The following LIMK1 variants were observed in gnomAD, a reference collection of about 807,000 sequenced individuals.
The protein encoded by LIMK1 is LIM motif-containing protein kinase.
A neutral mutation model predicts 77.6 loss-of-function variants in LIMK1; 21 were observed. The observed-to-expected ratio is 0.27, with a 90% CI of 0.19 to 0.39. The LOEUF is 0.39. LIMK1 is among the 10% of genes least tolerant of loss of function. The pLI, the probability that LIMK1 is intolerant of heterozygous loss-of-function variation, is 1.00. For missense variants in LIMK1, 696 were observed against 901.6 expected, an observed-to-expected ratio of 0.77 and a Z score of 2.92; for synonymous variants, 358 against 370.0, an observed-to-expected ratio of 0.97 and a Z score of 0.37.
intron 5 of LIMK1, 107 bp downstream of exon 5, chr7:74,099,345 G>T (rs1584114874): frequency 1.8e-6 from 2 of 1,107,712 alleles, no homozygotes; most frequent in Non-Finnish European, 2.7e-6. Flanking sequence ...GAGTGTTTGG[G>T]TACAGATGGG....
intron 5 of LIMK1, among the ~76,000 whole-genome samples, chr7:74,104,618 T>A (rs1373414005): frequency 6.7e-6 from 1 of 149,408 alleles, no homozygotes; most frequent in Admixed American, 6.7e-5. Flanking sequence ...AGAGCAAAAC[T>A]CTGTCTCAAA....
chr7:74,085,847 A>G lies in LIMK1; in HGVS notation c.152+3A>G. 1 of 1,549,480 alleles carries G rather than the reference A, an allele frequency of 6.5e-7. No individual in the cohort carries two copies. The highest frequency in any genetic ancestry group is 8.7e-7 in the Non-Finnish European group (1 of 1,146,794). The stretch of plus-strand genomic sequence containing the variant: ...GACTGGCACGCAGACTGCTTCAGGT[A>G]GGGTGGGGTGCCCAGGGCCTGTGTT... On this transcript the variant is annotated splice_donor_region_variant and intron_variant, in intron 2 of 15. Coordinates refer to ENST00000336180, the MANE Select transcript of LIMK1 (RefSeq NM_002314.4).
At chr7:74,093,167 C>T in intron 2 of LIMK1, 2 of 1,520,980 alleles carry the variant, frequency 1.3e-6, no homozygotes, top group Non-Finnish European at 1.8e-6. Context: ...ATCCTGAGCC[C>T]CTGAGGGAGG....
At chr7:74,098,950 G>A in intron 4 of LIMK1, 82 bp from the exon 5 acceptor site, 1 of 1,097,644 alleles carries the variant, frequency 9.1e-7, no homozygotes, top group Non-Finnish European at 1.3e-6. Flanking sequence ...TGGGGGAAGA[G>A]CCTGGGGCTG....
In LIMK1 at chr7:74,097,395, G is replaced by A. The variant is rs1178081310; in HGVS notation, c.401+206G>A. On this transcript the variant is annotated intron_variant, in intron 4 of 15. Transcript: ENST00000336180. ...AGTCAGTGTGAAAAAGCCTCAGACG[G>A]CCAGGCATGCTGGCTCACGCCTGTA... 2.6e-5 allele frequency among the ~76,000 whole-genome samples: 4 copies of A among 152,214 alleles called. No individual in the cohort carries two copies. In the East Asian group the frequency reaches 7.7e-4, roughly 29 times the overall value.
chr7:74,093,362 T>A, intron 2 of LIMK1: 1 of 1,525,778 alleles, frequency 6.6e-7, no homozygotes, highest in Non-Finnish European at 8.8e-7. Flanking sequence ...GTGTAAGGCC[T>A]GGGGCTGGAA....
In LIMK1 at chr7:74,085,748, G is replaced by A. The variant is rs555639387; in HGVS notation, c.56G>A (p.Gly19Glu). The change falls in exon 2 of 16, where the codon GGA becomes GAA. Residue 19 changes from glycine to glutamate, a missense_variant and splice_region_variant. By Grantham distance (98) the Gly-to-Glu change is moderately conservative. Around this residue, in one of 3 missense-constraint regions of LIMK1, gnomAD observed 252 missense variants for 279.4 expected, o/e 0.90. Transcript: ENST00000336180. Reference sequence around the variant, plus strand: ...TCCCAACTCCCTTCCCACCCTGCAGGAAGCGAGTTGCCCGTGTGTGCAAGC... The same window carrying A: ...TCCCAACTCCCTTCCCACCCTGCAGAAAGCGAGTTGCCCGTGTGTGCAAGC... The part of the protein sequence containing the change: ...TWREERMGEE[G>E]SELPVCASCG... 114 of 1,554,824 alleles carry A rather than the reference G, an allele frequency of 7.3e-5. No individual in the cohort carries two copies. The South Asian group carries it at 1.2e-3, about 17-fold the overall frequency.
intron 2 of LIMK1, among the ~76,000 whole-genome samples, chr7:74,087,263 G>A (rs893971938): frequency 6.6e-6 from 1 of 152,098 alleles, no homozygotes; most frequent in Non-Finnish European, 1.5e-5. Flanking sequence ...AATTAGCCGG[G>A]CGTGGTGGCG....
At chr7:74,116,263 G>C (rs1554699457) in intron 13 of LIMK1, among the ~76,000 whole-genome samples, 1 of 38,278 alleles carries the variant, frequency 2.6e-5, no homozygotes, top group Non-Finnish European at 9.8e-5. Context: ...GGGCATGGTG[G>C]TGGGTGTAAT....
chr7:74,120,428 G>C (rs1799907142), intron 13 of LIMK1, among the ~76,000 whole-genome samples, 155 bp from the exon 14 acceptor site: 3 of 152,168 alleles, frequency 2.0e-5, no homozygotes, highest in Non-Finnish European at 2.9e-5. Context: ...GGGGGAAAGA[G>C]CCTAAGCCTG....
At chr7:74,087,717 G>C (rs1554694237) in intron 2 of LIMK1, among the ~76,000 whole-genome samples, 1 of 151,938 alleles carries the variant, frequency 6.6e-6, no homozygotes, top group Non-Finnish European at 1.5e-5. Context: ...AGCCTCCCAA[G>C]TAGCTGGGAT....
chr7:74,109,237 G>A (rs975000856), intron 10 of LIMK1: 14 of 534,234 alleles, frequency 2.6e-5, no homozygotes, highest in African/African-American at 2.5e-4. Context: ...GTGCACACCT[G>A]TTATTCTGGC....
At chr7:74,092,347 C>T (rs1033682303) in intron 2 of LIMK1, among the ~76,000 whole-genome samples, 7 of 152,168 alleles carry the variant, frequency 4.6e-5, no homozygotes, top group Admixed American at 1.3e-4. Flanking sequence ...GGAAGTCCCA[C>T]GCTGATAGGA....
chr7:74,084,535 C>T (rs1449771909), intron 1 of LIMK1, among the ~76,000 whole-genome samples: 2 of 151,898 alleles, frequency 1.3e-5, no homozygotes, highest in Non-Finnish European at 2.9e-5. Flanking sequence ...TGGGTAGTTG[C>T]CCCCCCGGTG....
Position 74,107,032 on chromosome 7 carries a change from T to A in LIMK1, c.904T>A (p.Ser302Thr). 6.3e-7 allele frequency: 1 copy of A among 1,597,522 alleles called. No homozygotes were observed. Among genetic ancestry groups the A allele is most frequent in the East Asian group, 2.3e-5 (1 of 44,364 alleles). The change falls in exon 8 of 16, where the codon TCT (serine) becomes ACT (threonine). Residue 302 changes from serine (S) to threonine (T), a missense_variant. This residue lies in a region of LIMK1 where 438 missense variants were observed against 602.3 expected (regional missense o/e 0.73). Transcript: ENST00000336180. ...CAGGAGGAGCTGCAGCATCGACAGG[T>A]CTCCGGGCGCTGGCTCACTGGGCTC... The part of the protein sequence containing the change: ...PVLRSCSIDR[S>T]PGAGSLGSPA...
At chr7:74,094,819 G>C (rs1473794336) in intron 2 of LIMK1, among the ~76,000 whole-genome samples, 2 of 150,788 alleles carry the variant, frequency 1.3e-5, no homozygotes, top group African/African-American at 4.9e-5. Context: ...GTCTCCTGCC[G>C]CCCCTGCCAC....
intron 2 of LIMK1, 151 bp from the exon 3 acceptor site, chr7:74,096,471 A>G: frequency 2.0e-6 from 2 of 976,140 alleles, no homozygotes; most frequent in Non-Finnish European, 3.0e-6. Context: ...ACTGCACTGC[A>G]GCCTGGCGAC....
chr7:74,117,361 G>C (rs997203362), intron 13 of LIMK1, among the ~76,000 whole-genome samples: 19 of 152,074 alleles, frequency 1.2e-4, no homozygotes, highest in Admixed American at 7.2e-4. Context: ...GGCCCACCTG[G>C]ATAATCCAAA....
Position 74,121,232 on chromosome 7 carries a change from C to T in LIMK1, c.1875C>T (p.Asp625=). 6.2e-7 allele frequency: 1 copy of T among 1,613,798 alleles called. No homozygotes were observed. The highest frequency in any genetic ancestry group is 2.2e-5 in the East Asian group (1 of 44,876). ...TGGGCCCACAGCTGGAGCAGCTGGA[C>T]AGAGGTTTCTGGGAGACCTACCGGC... The part of the protein sequence containing the change: ...LPLGPQLEQL[D]RGFWETYRRG... The change falls in exon 16 of 16, where the codon GAC becomes GAT. Residue 625 remains aspartate (D), a synonymous_variant. Transcript: ENST00000336180.
Sources: gnomAD v4.1 joint callset for allele counts (sites outside exome capture counted in the v4.1 genomes callset) on GRCh38, gnomAD v4.1.1 for gene constraint, gnomAD v4.1.1 regional missense constraint, MANE v1.5 for transcripts, NCBI Gene and HGNC (gene_info 2026-07-23, HGNC 2026-07-21) for gene names.